CAPZB: variants seen among roughly 807,000 people sequenced by gnomAD.
The protein encoded by CAPZB is capping actin protein of muscle Z-line subunit beta, also known as F-actin-capping protein subunit beta.
Under a neutral mutation model 38.1 loss-of-function variants are expected in CAPZB, and 2 were observed. That is an observed-to-expected ratio of 0.05 (90% CI 0.02 to 0.17). The LOEUF is 0.17. Among genes scored for constraint, CAPZB ranks in the 10% least tolerant of loss-of-function variants. CAPZB has a pLI of 1.00. For missense variants in CAPZB, 161 were observed against 334.2 expected, an observed-to-expected ratio of 0.48 and a Z score of 4.04; for synonymous variants, 107 against 127.4, an observed-to-expected ratio of 0.84 and a Z score of 1.08.
intron 6 of CAPZB, among the ~76,000 whole-genome samples, chr1:19,354,197 A>G (rs2094007623): frequency 6.6e-6 from 1 of 152,204 alleles, no homozygotes; most frequent in Non-Finnish European, 1.5e-5. Flanking sequence ...TTAAATGAGA[A>G]TAACTTGACC....
At chr1:19,381,596 A>C (rs1235165178) in intron 3 of CAPZB, among the ~76,000 whole-genome samples, 1 of 151,710 alleles carries the variant, frequency 6.6e-6, no homozygotes, top group African/African-American at 2.4e-5. Flanking sequence ...TCTTGGGAGC[A>C]TCTTGCTCTG....
At chr1:19,480,714 G>C (rs2094625109) in intron 1 of CAPZB, among the ~76,000 whole-genome samples, 1 of 152,196 alleles carries the variant, frequency 6.6e-6, no homozygotes, top group South Asian at 2.1e-4. Flanking sequence ...ATAGCATGAG[G>C]CTCTGGCAAC....
At chr1:19,365,491 G>A (rs2094078713) in intron 4 of CAPZB, among the ~76,000 whole-genome samples, 1 of 152,180 alleles carries the variant, frequency 6.6e-6, no homozygotes, top group Non-Finnish European at 1.5e-5. Flanking sequence ...CCACCAGGAA[G>A]GAGGGCTCTG....
chr1:19,477,102 G>A (rs1558297333), intron 1 of CAPZB, among the ~76,000 whole-genome samples: 1 of 152,204 alleles, frequency 6.6e-6, no homozygotes, highest in Non-Finnish European at 1.5e-5. Flanking sequence ...AATGACTGTG[G>A]GCATCCGGTA....
intron 1 of CAPZB, among the ~76,000 whole-genome samples, chr1:19,444,071 T>C (rs1460549383): frequency 5.3e-5 from 8 of 152,120 alleles, no homozygotes; most frequent in Non-Finnish European, 1.2e-4. Flanking sequence ...GGCAGGAGAA[T>C]TGCTTGAACC....
At chr1:19,422,729 A>AAACAAC (rs60458604) in intron 1 of CAPZB, among the ~76,000 whole-genome samples, 4,056 of 150,356 alleles carry the variant, frequency 0.027, 129 homozygotes, top group African/African-American at 0.073. Flanking sequence ...TCCATCTCAA[A>AAACAAC]AACAACAACA....
At chr1:19,457,222 T>G (rs371312983) in intron 1 of CAPZB, among the ~76,000 whole-genome samples, 116 of 152,334 alleles carry the variant, frequency 7.6e-4, no homozygotes, top group African/African-American at 2.6e-3. Flanking sequence ...TACGGCTGAT[T>G]AGGCCCCTTA....
Position 19,366,283 on chromosome 1 carries a change from A to AATATATATATATATATAT in CAPZB, c.330-8738_330-8721dup, listed in dbSNP as rs201882034. 5.6e-3 allele frequency among the ~76,000 whole-genome samples: 339 copies of AATATATATATATATATAT among 60,346 alleles called. 7 individuals are homozygous for AATATATATATATATATAT. The highest frequency in any genetic ancestry group is 0.019 in the African/African-American group (300 of 15,564). The allele number at this position is 60,346 out of a possible 152,430, so 39.6% of individuals were successfully genotyped here. ...GCAACATAGTGAGACCGTGTCTTAA[A>AATATATATATATATATAT]ATATATATATATATATATATATATA... is the stretch of plus-strand genomic sequence containing the variant. On this transcript the variant is annotated intron_variant, in intron 4 of 8. Coordinates refer to ENST00000264202, the MANE Select transcript of CAPZB (RefSeq NM_004930.5).
In CAPZB at chr1:19,462,686, T is replaced by TA. The variant is rs2094556002; in HGVS notation, c.3+22749dup. Among the ~76,000 whole-genome samples, 3 of 152,252 alleles carry TA rather than the reference T, an allele frequency of 2.0e-5. No homozygotes were observed. In the South Asian group the frequency reaches 6.2e-4, roughly 32 times the overall value. On this transcript the variant is annotated intron_variant, in intron 1 of 8. Transcript: ENST00000264202. Reference sequence around the variant, plus strand: ...TTCACCTAATGTGCTTCAAAACAGTTAAAAACAGGTCCAGTTGAATGGCAT... The same window carrying TA: ...TTCACCTAATGTGCTTCAAAACAGTTAAAAAACAGGTCCAGTTGAATGGCAT...
intron 8 of CAPZB, 81 bp from the exon 9 acceptor site, chr1:19,339,698 G>T: frequency 4.6e-6 from 5 of 1,082,926 alleles, no homozygotes; most frequent in Non-Finnish European, 7.2e-6. Context: ...CCATGCCAGT[G>T]CCTGGCTGAT....
At chr1:19,466,401 G>A (rs1372537333) in intron 1 of CAPZB, among the ~76,000 whole-genome samples, 1 of 152,166 alleles carries the variant, frequency 6.6e-6, no homozygotes, top group African/African-American at 2.4e-5. Flanking sequence ...AAATGTTCCT[G>A]AGCTGCAACG....
chr1:19,368,129 T>C (rs540824938), intron 4 of CAPZB, among the ~76,000 whole-genome samples: 1 of 152,150 alleles, frequency 6.6e-6, no homozygotes, highest in South Asian at 2.1e-4. Context: ...CCCAGAGAGA[T>C]AAGGAACGTG....
intron 2 of CAPZB, among the ~76,000 whole-genome samples, chr1:19,400,333 G>A (rs1330482344): frequency 3.3e-5 from 5 of 152,138 alleles, no homozygotes; most frequent in Non-Finnish European, 4.4e-5. Flanking sequence ...AAAACCCTGC[G>A]GGACACGCAG....
chr1:19,351,581 T>C (rs1476348912), intron 6 of CAPZB, among the ~76,000 whole-genome samples: 2 of 152,202 alleles, frequency 1.3e-5, no homozygotes, highest in East Asian at 3.8e-4. Context: ...CTCAAAGTGC[T>C]GGAACTATTA....
intron 3 of CAPZB, among the ~76,000 whole-genome samples, chr1:19,380,007 G>GA (rs988132333): frequency 9.9e-5 from 15 of 150,774 alleles, no homozygotes; most frequent in Non-Finnish European, 1.5e-4. Context: ...GCATGTTAAG[G>GA]AAAAAAAAAG....
At chr1:19,349,976 C>T (rs374080736) in intron 6 of CAPZB, among the ~76,000 whole-genome samples, 5 of 152,232 alleles carry the variant, frequency 3.3e-5, no homozygotes, top group Admixed American at 6.5e-5. Flanking sequence ...AAGTGGCTGC[C>T]GGAAGGAAAA....
chr1:19,361,494 C>T (rs1216623408), intron 4 of CAPZB, among the ~76,000 whole-genome samples: 1 of 152,248 alleles, frequency 6.6e-6, no homozygotes, highest in African/African-American at 2.4e-5. Context: ...GCCTCTCCTG[C>T]GAGTGCCATC....
intron 1 of CAPZB, among the ~76,000 whole-genome samples, chr1:19,429,121 G>A (rs186995895): frequency 3.9e-5 from 6 of 152,320 alleles, no homozygotes; most frequent in Non-Finnish European, 5.9e-5. Context: ...CCTAAGGACA[G>A]TGTATGAGTA....
chr1:19,351,127 T>A (rs2093989381), intron 6 of CAPZB, among the ~76,000 whole-genome samples: 1 of 151,776 alleles, frequency 6.6e-6, no homozygotes, highest in Non-Finnish European at 1.5e-5. Context: ...AGATTACAGG[T>A]GCATGCCACC....
Sources: gnomAD v4.1 joint callset for allele counts (sites outside exome capture counted in the v4.1 genomes callset) on GRCh38, gnomAD v4.1.1 for gene constraint, MANE v1.5 for transcripts, NCBI Gene and HGNC (gene_info 2026-07-23, HGNC 2026-07-21) for gene names.